KCNIP3: variants seen among roughly 807,000 people sequenced by gnomAD.
KCNIP3 encodes potassium voltage-gated channel interacting protein 3.
KCNIP3 carries 28 observed loss-of-function variants against 35.0 expected under a neutral mutation model. The ratio of observed to expected loss-of-function variants is 0.80; its 90% CI spans 0.59 to 1.10. The LOEUF is 1.10. KCNIP3 is among the 50% of genes least tolerant of loss of function. KCNIP3 has a pLI of 0.00. For synonymous variants in KCNIP3, 134 were observed against 133.8 expected (o/e 1.00, Z -0.01); for missense variants, 295 against 338.4 (o/e 0.87, Z 1.01).
intron 2 of KCNIP3, among the ~76,000 whole-genome samples, chr2:95,327,655 C>T (rs1678825740): frequency 6.6e-6 from 1 of 152,184 alleles, no homozygotes; most frequent in Admixed American, 6.5e-5. Flanking sequence ...ACACCTGTGC[C>T]CTCAGCTAGT....
intron 2 of KCNIP3, among the ~76,000 whole-genome samples, chr2:95,356,419 C>T (rs368317970): frequency 2.0e-5 from 3 of 152,078 alleles, no homozygotes; most frequent in Non-Finnish European, 4.4e-5. Context: ...ATGAAGTCCT[C>T]GCCCATGCCT....
intron 5 of KCNIP3, among the ~76,000 whole-genome samples, chr2:95,375,651 C>G (rs189227053): frequency 2.8e-4 from 42 of 152,300 alleles, no homozygotes; most frequent in African/African-American, 8.9e-4. Context: ...GCCGGAGCAG[C>G]CTCCAGGGCT....
rs1235793280 is a variant in KCNIP3 at position 95,354,780 on chromosome 2, G to A, written c.182-19516G>A. Among the ~76,000 whole-genome samples the A allele has an allele frequency of 3.9e-5, 6 of 152,248 alleles. 1 individual carries two copies. The highest frequency in any genetic ancestry group is 1.2e-4 in the African/African-American group (5 of 41,464). On this transcript the variant is annotated intron_variant, in intron 2 of 8. Coordinates refer to ENST00000295225, the MANE Select transcript of KCNIP3 (RefSeq NM_013434.5). ...GGGGCCATTGTGATCCTTCCTGCTC[G>A]TTCTCTTGCTCTCCTTTCCCCCAAC...
At chr2:95,307,040 C>T (rs1678195823) in intron 1 of KCNIP3, among the ~76,000 whole-genome samples, 1 of 152,234 alleles carries the variant, frequency 6.6e-6, no homozygotes, top group African/African-American at 2.4e-5. Context: ...TCTCCCTGCC[C>T]TCCTGTCCCT....
Position 95,378,663 on chromosome 2 carries a change from T to C in KCNIP3, c.448-2933T>C, listed in dbSNP as rs1680262374. 6.6e-6 allele frequency among the ~76,000 whole-genome samples: 1 copy of C among 151,594 alleles called. No individual in the cohort carries two copies. Among genetic ancestry groups the C allele is most frequent in the Admixed American group, 6.6e-5 (1 of 15,216 alleles). ...TGGGAGGCTGAGGCAAGTGAATCAC[T>C]TTGAGCCCAGGAGTCAGAGGTTGCA... On this transcript the variant is annotated intron_variant, in intron 5 of 8. Coordinates refer to ENST00000295225, the MANE Select transcript of KCNIP3 (RefSeq NM_013434.5). The surrounding 1 kb of genome is among the most constrained non-coding windows in gnomAD (Gnocchi z 4.0).
chr2:95,346,373 C>G (rs551029960), intron 2 of KCNIP3, among the ~76,000 whole-genome samples: 240 of 151,584 alleles, frequency 1.6e-3, no homozygotes, highest in Non-Finnish European at 2.3e-3. Flanking sequence ...AACCGCCGAC[C>G]GCGCGGCCTC....
intron 2 of KCNIP3, among the ~76,000 whole-genome samples, chr2:95,363,817 G>A (rs1679856749): frequency 6.6e-6 from 1 of 152,102 alleles, no homozygotes; most frequent in Admixed American, 6.6e-5. Context: ...GTTTATCTTG[G>A]TATTTTTAAT....
At chr2:95,371,854 G>C (rs1680048910) in intron 2 of KCNIP3, among the ~76,000 whole-genome samples, 1 of 150,286 alleles carries the variant, frequency 6.7e-6, no homozygotes, top group Non-Finnish European at 1.5e-5. Flanking sequence ...ACCCAGGCTG[G>C]AGTGTAATGG....
At chr2:95,370,549 G>A (rs940549372) in intron 2 of KCNIP3, among the ~76,000 whole-genome samples, 3 of 152,196 alleles carry the variant, frequency 2.0e-5, no homozygotes, top group African/African-American at 7.2e-5. Flanking sequence ...TTGGCCAGTT[G>A]TATATCTTTT....
chr2:95,305,600 C>T (rs1678146087), intron 1 of KCNIP3, among the ~76,000 whole-genome samples: 3 of 152,184 alleles, frequency 2.0e-5, no homozygotes, highest in Non-Finnish European at 4.4e-5. Context: ...ACAGCTCTGT[C>T]CCCTCAAGGC....
At chr2:95,338,360 G>A (rs1220963041) in intron 2 of KCNIP3, among the ~76,000 whole-genome samples, 4 of 152,210 alleles carry the variant, frequency 2.6e-5, no homozygotes, top group South Asian at 2.1e-4. Flanking sequence ...AAATCCAGAC[G>A]TTTAGCTTGG....
At chr2:95,346,983 CGCCCGGGCCCCAGGGCCCCAG>C (rs1277614738) in intron 2 of KCNIP3, 1 of 1,507,960 alleles carries the variant, frequency 6.6e-7, no homozygotes. Flanking sequence ...GCGAGGGGTG[CGCCCGGGCCCCAGGGCCCCAG>C]GCAGCCCGGC....
In KCNIP3 at chr2:95,381,720, G is replaced by GACAATCCCT; in HGVS notation, c.555+17_555+18insACAATCCCT. 6.4e-7 allele frequency: 1 copy of GACAATCCCT among 1,551,442 alleles called. No homozygotes were observed. The highest frequency in any genetic ancestry group is 8.9e-7 in the Non-Finnish European group (1 of 1,123,550). ...ACCAAAGAGGTAGTAGGGGGCTGGGGGCAGGGATTGTCCCCTCCTCCCCTC... is the reference window on the plus strand; with the variant it reads ...ACCAAAGAGGTAGTAGGGGGCTGGGGACAATCCCTGCAGGGATTGTCCCCTCCTCCCCTC... On this transcript the variant is annotated intron_variant, in intron 6 of 8. Coordinates refer to ENST00000295225, the MANE Select transcript of KCNIP3 (RefSeq NM_013434.5).
chr2:95,321,161 C>A (rs567375225), intron 2 of KCNIP3, among the ~76,000 whole-genome samples: 1 of 152,088 alleles, frequency 6.6e-6, no homozygotes, highest in East Asian at 1.9e-4. Context: ...CTCCCCGGCA[C>A]CCCCAGCCTT....
At chr2:95,346,958 C>A in intron 2 of KCNIP3, 1 of 1,315,002 alleles carries the variant, frequency 7.6e-7, no homozygotes, top group Admixed American at 2.2e-5. Context: ...CCGGTGCCTC[C>A]GAGGCAGCGC....
chr2:95,351,223 T>C (rs558284393), intron 2 of KCNIP3, among the ~76,000 whole-genome samples: 3 of 152,372 alleles, frequency 2.0e-5, no homozygotes, highest in Admixed American at 6.5e-5. Context: ...TGGCTTTTAC[T>C]GTAGGAGAAA....
intron 2 of KCNIP3, among the ~76,000 whole-genome samples, chr2:95,334,586 T>G (rs1171508663): frequency 6.6e-6 from 1 of 152,248 alleles, no homozygotes; most frequent in Admixed American, 6.5e-5. Flanking sequence ...GTACAAACTC[T>G]AAGAGTATGA....
intron 1 of KCNIP3, among the ~76,000 whole-genome samples, chr2:95,308,230 T>G (rs1287774595): frequency 1.3e-5 from 2 of 152,198 alleles, no homozygotes; most frequent in Non-Finnish European, 2.9e-5. Context: ...TCCATCAGCA[T>G]GGTCAGTGCC....
chr2:95,366,997 A>G (rs1340980466), intron 2 of KCNIP3, among the ~76,000 whole-genome samples: 1 of 152,084 alleles, frequency 6.6e-6, no homozygotes, highest in Non-Finnish European at 1.5e-5. Context: ...TTATTTAACA[A>G]TATCTTTGTA....
Sources: gnomAD v4.1 joint callset for allele counts (sites outside exome capture counted in the v4.1 genomes callset) on GRCh38, gnomAD v4.1.1 for gene constraint, Gnocchi (gnomAD v3.1) non-coding constraint, MANE v1.5 for transcripts, NCBI Gene and HGNC (gene_info 2026-07-23, HGNC 2026-07-21) for gene names.